The following ACKR2 variants were observed in gnomAD, a reference collection of about 807,000 sequenced individuals.
ACKR2 encodes the protein C-C chemokine receptor D6.
For missense variants in ACKR2, 457 were observed against 477.3 expected (o/e 0.96, Z 0.40); for synonymous variants, 207 against 192.2 (o/e 1.08, Z -0.64).
intron 2 of ACKR2, 37 bp from the exon 3 acceptor site, chr3:42,864,429 A>G (rs1022911590): frequency 3.3e-6 from 5 of 1,514,780 alleles, no homozygotes; most frequent in South Asian, 1.3e-5. Flanking sequence ...AGAGAAAGGT[A>G]GAGAATGCTA....
At chr3:42,849,188 T>C in intron 2 of ACKR2, among the ~76,000 whole-genome samples, 1 of 152,110 alleles carries the variant, frequency 6.6e-6, no homozygotes, top group Admixed American at 6.6e-5. Context: ...AGTACTGTGA[T>C]TATGTAGATG....
At chr3:42,856,552 A>T (rs1383823257) in intron 2 of ACKR2, 4 of 609,704 alleles carry the variant, frequency 6.6e-6, no homozygotes, top group Admixed American at 2.8e-5. Flanking sequence ...TAACATCCTC[A>T]CTATTATAAG....
intron 2 of ACKR2, among the ~76,000 whole-genome samples, chr3:42,846,186 C>T (rs553062927): frequency 2.0e-5 from 3 of 151,268 alleles, no homozygotes; most frequent in Admixed American, 1.3e-4. Context: ...CATTATTGTT[C>T]GGCCCCTAGT....
intron 2 of ACKR2, among the ~76,000 whole-genome samples, chr3:42,850,483 A>G (rs1227164898): frequency 6.6e-6 from 1 of 152,090 alleles, no homozygotes; most frequent in Non-Finnish European, 1.5e-5. Flanking sequence ...CATGCCTTTA[A>G]CCACCTGACA....
chr3:42,856,285 G>A (rs764892489), intron 2 of ACKR2: 1 of 683,590 alleles, frequency 1.5e-6, no homozygotes, highest in South Asian at 1.6e-5. Context: ...ACAGCATCTG[G>A]TCCAGATGCC....
chr3:42,834,070 C>T (rs1700960322), intron 2 of ACKR2, among the ~76,000 whole-genome samples: 1 of 152,166 alleles, frequency 6.6e-6, no homozygotes, highest in African/African-American at 2.4e-5. Flanking sequence ...TCAAGCAATT[C>T]AGCTCAGCCT....
Position 42,864,529 on chromosome 3 carries a change from A to G in ACKR2, c.27A>G (p.Pro9=). The change falls in exon 3 of 3, where the codon CCA becomes CCG. Residue 9 remains proline (P), a synonymous_variant. Transcript: ENST00000422265. MAATASPQ[P]LATEDADSEN... is the part of the protein sequence containing the mutation. Reference sequence around the variant, plus strand: ...TGGCCGCCACTGCCTCTCCGCAGCCACTCGCCACTGAGGATGCCGATTCTG... The same window carrying G: ...TGGCCGCCACTGCCTCTCCGCAGCCGCTCGCCACTGAGGATGCCGATTCTG... The G allele has an allele frequency of 6.2e-7, 1 of 1,607,840 alleles. No homozygotes were observed.
intron 2 of ACKR2, among the ~76,000 whole-genome samples, chr3:42,830,771 G>C (rs1003025840): frequency 1.3e-5 from 2 of 151,736 alleles, no homozygotes; most frequent in Non-Finnish European, 2.9e-5. Context: ...TGGTTGGACT[G>C]TGTGGCCTCT....
chr3:42,827,069 TG>T (rs2125607011), intron 2 of ACKR2, among the ~76,000 whole-genome samples: 1 of 152,318 alleles, frequency 6.6e-6, no homozygotes, highest in Non-Finnish European at 1.5e-5. Context: ...AATTCCATTA[TG>T]GTTGGAGAAG....
intron 2 of ACKR2, among the ~76,000 whole-genome samples, chr3:42,829,146 A>G (rs533394319): frequency 1.3e-5 from 2 of 152,278 alleles, no homozygotes; most frequent in East Asian, 3.9e-4. Context: ...GAGGGTGAGT[A>G]AAAGGCCACA....
At chr3:42,856,194 T>G (rs544423772) in intron 2 of ACKR2, 1 of 537,136 alleles carries the variant, frequency 1.9e-6, no homozygotes, top group East Asian at 3.0e-5. Flanking sequence ...GTTCCTAAGG[T>G]TGATCAGGAA....
At chr3:42,856,183 A>G (rs952836128) in intron 2 of ACKR2, 3 of 502,920 alleles carry the variant, frequency 6.0e-6, no homozygotes, top group African/African-American at 2.0e-5. Flanking sequence ...CACTGGGTAA[A>G]GTTCCTAAGG....
intron 2 of ACKR2, among the ~76,000 whole-genome samples, chr3:42,838,775 T>C (rs1406901975): frequency 6.6e-6 from 1 of 152,224 alleles, no homozygotes; most frequent in Non-Finnish European, 1.5e-5. Context: ...GATTTATTTG[T>C]TGATTACAAA....
At chr3:42,858,422 G>A in intron 2 of ACKR2, among the ~76,000 whole-genome samples, 1 of 152,184 alleles carries the variant, frequency 6.6e-6, no homozygotes, top group African/African-American at 2.4e-5. Flanking sequence ...CAGACCTGCA[G>A]CAGAGGGGCC....
chr3:42,830,085 G>A (rs1423483190), intron 2 of ACKR2, among the ~76,000 whole-genome samples: 1 of 152,080 alleles, frequency 6.6e-6, no homozygotes, highest in East Asian at 1.9e-4. Context: ...TTATAACAGG[G>A]TTCATATTTC....
Position 42,865,478 on chromosome 3 carries a change from T to C in ACKR2, c.976T>C (p.Phe326Leu). The change falls in exon 3 of 3, where the codon TTC becomes CTC. Residue 326 changes from phenylalanine (F) to leucine (L), a missense_variant. Physicochemically the swap from Phe to Leu is conservative, Grantham distance 22. Transcript: ENST00000422265. ...CCGCTTCCGCCAGTACCTGAAGGCT[T>C]TCCTGGCTGCCGTGCTTGGATGGCA... ...SHRFRQYLKAFLAAVLGWHLA... is the reference protein window; with the variant it reads ...SHRFRQYLKALLAAVLGWHLA... 1 of 1,614,180 alleles carries C rather than the reference T, an allele frequency of 6.2e-7. No individual in the cohort carries two copies. Among genetic ancestry groups the C allele is most frequent in the Non-Finnish European group, 8.5e-7 (1 of 1,180,034 alleles).
intron 2 of ACKR2, among the ~76,000 whole-genome samples, chr3:42,857,221 G>T (rs1213151986): frequency 1.3e-5 from 2 of 152,104 alleles, no homozygotes; most frequent in East Asian, 1.9e-4. Flanking sequence ...AGAGTATCTT[G>T]TACATATTTT....
intron 2 of ACKR2, among the ~76,000 whole-genome samples, chr3:42,822,633 A>G (rs535372347): frequency 8.4e-4 from 128 of 152,164 alleles, no homozygotes; most frequent in African/African-American, 3.0e-3. Flanking sequence ...CAGGTGGACT[A>G]CTTGAGGTCA....
chr3:42,809,828 C>G (rs11129977), intron 1 of ACKR2, among the ~76,000 whole-genome samples: 38,916 of 151,252 alleles, frequency 0.26, 6,096 homozygotes, highest in East Asian at 0.71. Context: ...CGCCACTGTA[C>G]TCCAGCCTGG....
Sources: gnomAD v4.1 joint callset for allele counts (sites outside exome capture counted in the v4.1 genomes callset) on GRCh38, gnomAD v4.1.1 for gene constraint, MANE v1.5 for transcripts, NCBI Gene and HGNC (gene_info 2026-07-23, HGNC 2026-07-21) for gene names.